ZNF560: variants seen among roughly 807,000 people sequenced by gnomAD.
The protein encoded by ZNF560 is zinc finger protein 560.
ZNF560 carries 54 observed loss-of-function variants against 81.8 expected under a neutral mutation model. The ratio of observed to expected loss-of-function variants is 0.66; its 90% CI spans 0.53 to 0.83. The LOEUF (loss-of-function observed/expected upper bound fraction) is 0.83, where lower values mean the gene tolerates loss of function less well. Ranked by LOEUF, ZNF560 falls within the 40% of genes least tolerant of loss-of-function variation. The pLI is 0.00. For synonymous variants in ZNF560, 321 were observed against 317.9 expected, an observed-to-expected ratio of 1.01 and a Z score of -0.10; for missense variants, 940 against 932.4, an observed-to-expected ratio of 1.01 and a Z score of -0.11.
At chr19:9,449,996 A>ACAAC in the ZNF560 span, among the ~76,000 whole-genome samples, 2 of 115,874 alleles carry the variant, frequency 1.7e-5, no homozygotes, top group African/African-American at 3.4e-5. Context: ...AAAAAAAAAA[A>ACAAC]AACAACTGAA....
At chr19:9,481,135 G>A (rs548696534) in intron 2 of ZNF560, among the ~76,000 whole-genome samples, 2 of 148,656 alleles carry the variant, frequency 1.3e-5, no homozygotes, top group East Asian at 3.9e-4. Flanking sequence ...TACACCATGT[G>A]ATCTTTGACA....
downstream of ZNF560, among the ~76,000 whole-genome samples, chr19:9,463,547 G>C (rs2072968071): frequency 6.6e-6 from 1 of 152,226 alleles, no homozygotes; most frequent in South Asian, 2.1e-4. Context: ...TGCGTCTTTT[G>C]TGTCACTGGT....
At chr19:9,482,388 C>G (rs953215075) in intron 2 of ZNF560, among the ~76,000 whole-genome samples, 1 of 142,202 alleles carries the variant, frequency 7.0e-6, no homozygotes, top group African/African-American at 2.7e-5. Context: ...CAAACCTGCA[C>G]ATTGTACGCA....
chr19:9,498,436 G>C (rs2073596959), intron 1 of ZNF560, 102 bp downstream of exon 1: 2 of 152,348 alleles, frequency 1.3e-5, no homozygotes, highest in African/African-American at 4.8e-5. Context: ...CTGTGGAGTG[G>C]TCCAGGCCTC....
chr19:9,501,306 G>A (rs942684100), upstream of ZNF560, among the ~76,000 whole-genome samples: 5 of 144,702 alleles, frequency 3.5e-5, no homozygotes, highest in African/African-American at 5.2e-5. Context: ...GACCACAGAC[G>A]CATCACCATG....
chr19:9,451,820 A>G, the ZNF560 span, among the ~76,000 whole-genome samples: 7,308 of 152,216 alleles, frequency 0.048, 605 homozygotes, highest in African/African-American at 0.17. Flanking sequence ...CACACCTGTA[A>G]CCCCAGCACT....
At chr19:9,448,278 C>G in the ZNF560 span, among the ~76,000 whole-genome samples, 2 of 151,780 alleles carry the variant, frequency 1.3e-5, no homozygotes, top group Admixed American at 1.3e-4. Context: ...GTTGCCCAGG[C>G]TGGAGTGCAA....
chr19:9,489,123 A>G (rs2073430021), intron 2 of ZNF560, among the ~76,000 whole-genome samples: 1 of 152,096 alleles, frequency 6.6e-6, no homozygotes, highest in African/African-American at 2.4e-5. Context: ...ATTAAAAAAT[A>G]AACTTTAATG....
intron 2 of ZNF560, among the ~76,000 whole-genome samples, chr19:9,494,502 A>G (rs2073524955): frequency 6.6e-6 from 1 of 152,210 alleles, no homozygotes; most frequent in South Asian, 2.1e-4. Flanking sequence ...TGGGAGGCCA[A>G]CGTGGGTGGA....
At chr19:9,483,580 G>GT (rs2073334262) in intron 2 of ZNF560, among the ~76,000 whole-genome samples, 1 of 146,758 alleles carries the variant, frequency 6.8e-6, no homozygotes, top group Non-Finnish European at 1.5e-5. Context: ...CGGGAGGGGG[G>GT]TGGGGGGTCA....
At chr19:9,454,914 A>T in the ZNF560 span, among the ~76,000 whole-genome samples, 1 of 152,048 alleles carries the variant, frequency 6.6e-6, no homozygotes, top group Non-Finnish European at 1.5e-5. Context: ...ACTTAAAGAG[A>T]CCCAAGAAGG....
intron 5 of ZNF560, 56 bp downstream of exon 5, chr19:9,473,123 G>T: frequency 2.9e-6 from 4 of 1,369,532 alleles, no homozygotes; most frequent in African/African-American, 1.4e-5. Flanking sequence ...GACTAACACA[G>T]CTTCTAAACA....
the ZNF560 span, among the ~76,000 whole-genome samples, chr19:9,446,817 C>T: frequency 6.6e-6 from 1 of 151,956 alleles, no homozygotes; most frequent in African/African-American, 2.4e-5. Flanking sequence ...TTAGATGAGT[C>T]CCTTCAAAGG....
the ZNF560 span, among the ~76,000 whole-genome samples, chr19:9,503,979 A>C: frequency 1.3e-5 from 2 of 152,244 alleles, no homozygotes; most frequent in East Asian, 3.8e-4. Flanking sequence ...ATTTTGTGGT[A>C]AAAACAGGTG....
intron 2 of ZNF560, among the ~76,000 whole-genome samples, chr19:9,482,277 G>T (rs563293325): frequency 2.0e-5 from 3 of 152,058 alleles, no homozygotes; most frequent in Non-Finnish European, 4.4e-5. Context: ...CCTGTTGTGG[G>T]GTGGGGGTAT....
Position 9,466,955 on chromosome 19 carries a change from A to C in ZNF560, c.1992T>G (p.Ala664=). The C allele has an allele frequency of 1.9e-6, 3 of 1,614,046 alleles. No homozygotes were observed. Among genetic ancestry groups the C allele is most frequent in the Middle Eastern group, 1.6e-4 (1 of 6,062 alleles). Residue 664 remains alanine, a synonymous_variant, in exon 10 of 10, where the codon GCT becomes GCG. Coordinates refer to ENST00000301480, the MANE Select transcript of ZNF560 (RefSeq NM_152476.3). ...GAGTTAGTACACAAGACCTACTGTA[A>C]GCTTTTTCACATGCATTACATTTAT... ...KPYKCNACEK[A]YSRSCVLTQH... is the part of the protein sequence containing the mutation.
intron 2 of ZNF560, among the ~76,000 whole-genome samples, chr19:9,479,597 C>G (rs2144704291): frequency 6.6e-6 from 1 of 152,126 alleles, no homozygotes; most frequent in African/African-American, 2.4e-5. Flanking sequence ...TACCACATCT[C>G]CACTTATTAG....
chr19:9,464,414 C>G (rs904752809), downstream of ZNF560, among the ~76,000 whole-genome samples: 1 of 152,140 alleles, frequency 6.6e-6, no homozygotes, highest in African/African-American at 2.4e-5. Context: ...TACAAGAGTT[C>G]CCACCTCTCC....
At chr19:9,501,836 T>C (rs558347434), upstream of ZNF560, among the ~76,000 whole-genome samples, 1 of 151,990 alleles carries the variant, frequency 6.6e-6, no homozygotes, top group Non-Finnish European at 1.5e-5. Flanking sequence ...AACAATGTAA[T>C]GAATGGCCTC....
Sources: gnomAD v4.1 joint callset for allele counts (sites outside exome capture counted in the v4.1 genomes callset) on GRCh38, gnomAD v4.1.1 for gene constraint, MANE v1.5 for transcripts, NCBI Gene and HGNC (gene_info 2026-07-23, HGNC 2026-07-21) for gene names.